CDIN1: variants seen among roughly 807,000 people sequenced by gnomAD.
CDIN1 encodes the protein CDAN1 interacting nuclease 1.
CDIN1 carries 33 observed loss-of-function variants against 45.3 expected under a neutral mutation model. That is an observed-to-expected ratio of 0.73 (90% confidence interval 0.55 to 0.97). The LOEUF is 0.97. Ranked by LOEUF, CDIN1 falls within the 50% of genes least tolerant of loss-of-function variation. The probability of loss-of-function intolerance (pLI) is 0.00; values close to 1 mark genes in which losing one functional copy is unlikely to be tolerated. For synonymous variants in CDIN1, 118 were observed against 124.4 expected (o/e 0.95, Z 0.34); for missense variants, 303 against 339.4 (o/e 0.89, Z 0.84).
intron 10 of CDIN1, among the ~76,000 whole-genome samples, chr15:36,725,938 G>A (rs1268268338): frequency 2.0e-5 from 3 of 152,200 alleles, no homozygotes; most frequent in Admixed American, 1.3e-4. Context: ...TAAAATAATT[G>A]CAATAATATT....
At chr15:36,744,217 A>C (rs1401210248) in intron 10 of CDIN1, among the ~76,000 whole-genome samples, 1 of 152,180 alleles carries the variant, frequency 6.6e-6, no homozygotes. Context: ...ACTACTGAGT[A>C]CTTCCCCCAG....
At chr15:36,657,790 G>A (rs566962772) in intron 4 of CDIN1, 43 bp from the exon 5 acceptor site, 16 of 1,509,250 alleles carry the variant, frequency 1.1e-5, no homozygotes, top group African/African-American at 4.1e-5. Context: ...TCCACTGCTC[G>A]CACAACTTGA....
intron 2 of CDIN1, 148 bp from the exon 3 acceptor site, chr15:36,645,075 A>C (rs1411420207): frequency 4.6e-6 from 3 of 649,118 alleles, no homozygotes; most frequent in Non-Finnish European, 8.3e-6. Flanking sequence ...GAAGGAAAAG[A>C]AGTCCTGCCA....
chr15:36,737,402 C>T (rs2044070256), intron 10 of CDIN1, among the ~76,000 whole-genome samples: 1 of 152,102 alleles, frequency 6.6e-6, no homozygotes, highest in Non-Finnish European at 1.5e-5. Context: ...TGCATGTTGC[C>T]AGAGTGTGCC....
intron 10 of CDIN1, among the ~76,000 whole-genome samples, chr15:36,776,830 C>A (rs1345729152): frequency 6.6e-6 from 1 of 152,008 alleles, no homozygotes; most frequent in South Asian, 2.1e-4. Flanking sequence ...TTTTTCCTTA[C>A]CTAAATGAAA....
Position 36,765,059 on chromosome 15 carries a change from TTC to T in CDIN1, c.717-43263_717-43262del. ...TTTCTTTTCTTTTATTTTTCTTTCT[TTC>T]TTTTTTTTTTTTTAGATGGAGTCTC... On this transcript the variant is annotated intron_variant, in intron 10 of 10. Coordinates refer to ENST00000566621, the MANE Select transcript of CDIN1 (RefSeq NM_001321759.2). Among the ~76,000 whole-genome samples, 3 of 147,962 alleles carry T rather than the reference TTC, an allele frequency of 2.0e-5. 1 individual carries two copies. Among genetic ancestry groups the T allele is most frequent in the East Asian group, 4.0e-4 (2 of 5,054 alleles).
At position 36,654,097 on chromosome 15, in the gene CDIN1, G is replaced by T. The variant is rs772177152; in HGVS notation, c.213-1G>T. 1 of 1,576,044 alleles carries T rather than the reference G, an allele frequency of 6.3e-7. No homozygotes were observed. Among genetic ancestry groups the T allele is most frequent in the Admixed American group, 1.8e-5 (1 of 54,668 alleles). ...TTACCACTTGGCTTTGTCTTGTCTA[G>T]GTACCTGAATGGAGTGGTGAAAAAT... On this transcript the variant is annotated splice_acceptor_variant, in intron 3 of 10. Coordinates refer to ENST00000566621, the MANE Select transcript of CDIN1 (RefSeq NM_001321759.2). LOFTEE classifies it high-confidence loss of function.
intron 10 of CDIN1, among the ~76,000 whole-genome samples, chr15:36,796,545 G>A (rs1021162218): frequency 7.9e-5 from 12 of 152,152 alleles, no homozygotes; most frequent in Non-Finnish European, 1.5e-5. Flanking sequence ...AACCAGAATC[G>A]AGTGCAGGAT....
intron 10 of CDIN1, among the ~76,000 whole-genome samples, chr15:36,747,613 C>T (rs1468029293): frequency 2.0e-5 from 3 of 152,042 alleles, no homozygotes; most frequent in Admixed American, 2.0e-4. Flanking sequence ...GAAACCAAGG[C>T]CCAGGGAGAT....
In CDIN1 at chr15:36,809,757, A is replaced by AT. The variant is rs1368391371; in HGVS notation, c.*1311dup. On this transcript the variant is annotated 3_prime_UTR_variant, in exon 11 of 11. Transcript: ENST00000566621. ...AGCTTTAACTTATATACATTGCTTG[A>AT]TTTTTTTCAAAAGACTAAATATGTC... The AT allele has an allele frequency of 6.6e-6, 1 of 152,084 alleles. No individual in the cohort carries two copies. Among genetic ancestry groups the AT allele is most frequent in the Non-Finnish European group, 1.5e-5 (1 of 68,000 alleles). The allele number at this position is 152,084 out of a possible 1,614,324, so 9.4% of individuals were successfully genotyped here.
intron 10 of CDIN1, among the ~76,000 whole-genome samples, chr15:36,774,913 GA>G (rs1177953051): frequency 6.6e-6 from 1 of 151,906 alleles, no homozygotes; most frequent in African/African-American, 2.4e-5. Context: ...TAGAAAGCAA[GA>G]AAAAAAATCA....
At chr15:36,751,229 T>TTTTATATATATATA (rs568110101) in intron 10 of CDIN1, among the ~76,000 whole-genome samples, 66 of 97,572 alleles carry the variant, frequency 6.8e-4, no homozygotes, top group African/African-American at 2.8e-3. Flanking sequence ...TATGCTTATT[T>TTTTATATATATATA]TATATATATA....
chr15:36,638,215 T>TTA (rs2039978334), intron 1 of CDIN1, among the ~76,000 whole-genome samples: 1 of 152,232 alleles, frequency 6.6e-6, no homozygotes, highest in South Asian at 2.1e-4. Context: ...AATGTATATG[T>TTA]GTGTGTATAT....
Position 36,579,646 on chromosome 15 carries a change from C to T in CDIN1, c.-215C>T, listed in dbSNP as rs1566806788. The T allele has an allele frequency of 1.9e-6, 1 of 522,056 alleles. No individual in the cohort carries two copies. Among genetic ancestry groups the T allele is most frequent in the Non-Finnish European group, 3.4e-6 (1 of 292,596 alleles). 32.3% of individuals were successfully genotyped at this position (522,056 alleles called of 1,614,324 possible). A position where few individuals can be genotyped will look rare whatever the true frequency, so the allele number is the denominator to read the frequency against. On this transcript the variant is annotated 5_prime_UTR_variant, in exon 1 of 11. Coordinates refer to ENST00000566621, the MANE Select transcript of CDIN1 (RefSeq NM_001321759.2). ...AGGGCACTCTGGTGTACAGCCAGTC[C>T]CCGCCGCGGAGGTGCCGGTGGAGCC...
intron 10 of CDIN1, among the ~76,000 whole-genome samples, chr15:36,794,321 G>C (rs2141098803): frequency 6.6e-6 from 1 of 152,200 alleles, no homozygotes; most frequent in Middle Eastern, 3.4e-3. Flanking sequence ...GCCTCCCAAA[G>C]TGCTGGGATT....
rs1017370357 is a variant in CDIN1, at chr15:36,692,237, T to C, written c.476+62T>C. ...CGAGCTTAGACTCAGTGGAGATGTG[T>C]CTAGCTTTAACCTGACATAAAGTTC... On this transcript the variant is annotated intron_variant, in intron 7 of 10. Transcript: ENST00000566621. 1.3e-5 allele frequency: 20 copies of C among 1,483,372 alleles called. No homozygotes were observed. In the Admixed American group the frequency reaches 1.5e-4, roughly 11 times the overall value. The allele number at this position is 1,483,372 out of a possible 1,614,324, so 91.9% of individuals were successfully genotyped here.
intron 1 of CDIN1, among the ~76,000 whole-genome samples, chr15:36,635,728 G>T (rs2039872520): frequency 6.7e-6 from 1 of 150,214 alleles, no homozygotes; most frequent in African/African-American, 2.5e-5. Flanking sequence ...AGTTATAAAA[G>T]AAATTAAAAC....
intron 1 of CDIN1, among the ~76,000 whole-genome samples, chr15:36,610,880 T>C (rs1566831359): frequency 6.6e-6 from 1 of 152,154 alleles, no homozygotes. Flanking sequence ...AGGGGTCCAG[T>C]GGGAAGAGTA....
At chr15:36,730,116 C>G (rs1053747234) in intron 10 of CDIN1, among the ~76,000 whole-genome samples, 9 of 152,138 alleles carry the variant, frequency 5.9e-5, no homozygotes, top group African/African-American at 2.2e-4. Flanking sequence ...TCTACCTATA[C>G]AATTTCATGT....
Sources: allele counts gnomAD v4.1 joint callset (sites outside exome capture counted in the v4.1 genomes callset), GRCh38; gene constraint gnomAD v4.1.1; transcripts MANE v1.5; gene names NCBI Gene and HGNC (gene_info 2026-07-23, HGNC 2026-07-21).